The following MANBAL variants were observed in gnomAD, a reference collection of about 807,000 sequenced individuals.
MANBAL encodes the protein protein MANBAL.
Under a neutral mutation model 6.4 loss-of-function variants are expected in MANBAL, and 1 was observed. The observed-to-expected ratio is 0.16, with a 90% CI of 0.06 to 0.74. The LOEUF is 0.74. MANBAL is among the 30% of genes least tolerant of loss of function. The pLI, the probability that MANBAL is intolerant of heterozygous loss-of-function variation, is 0.78. For synonymous variants in MANBAL, 47 were observed against 45.8 expected, an observed-to-expected ratio of 1.03 and a Z score of -0.10; for missense variants, 100 against 107.8, an observed-to-expected ratio of 0.93 and a Z score of 0.32.
rs554996912 is a variant in MANBAL at position 37,306,535 on chromosome 20, G to A, written c.150+5122G>A. On this transcript the variant is annotated intron_variant, in intron 2 of 2. Transcript: ENST00000373606. ...AGCCAAATGAAAAGGTTTTCTCATTGGCAACTCATTAAACTCAGACCTAAG... is the reference window on the plus strand; with the variant it reads ...AGCCAAATGAAAAGGTTTTCTCATTAGCAACTCATTAAACTCAGACCTAAG... 2.8e-4 allele frequency among the ~76,000 whole-genome samples: 43 copies of A among 152,276 alleles called. 1 individual carries two copies. The South Asian group carries it at 8.7e-3, about 31-fold the overall frequency.
chr20:37,295,050 C>G (rs768688034), intron 1 of MANBAL, among the ~76,000 whole-genome samples: 14 of 152,204 alleles, frequency 9.2e-5, no homozygotes, highest in Non-Finnish European at 1.0e-4. Context: ...GTAAGCAAGT[C>G]TGGAGCAGGA....
At chr20:37,307,579 A>G (rs2069286018) in intron 2 of MANBAL, among the ~76,000 whole-genome samples, 1 of 152,092 alleles carries the variant, frequency 6.6e-6, no homozygotes, top group South Asian at 2.1e-4. Flanking sequence ...CAACATGGTG[A>G]AACCCTGTCT....
At chr20:37,290,116 T>C (rs1042520746) in intron 1 of MANBAL, among the ~76,000 whole-genome samples, 2 of 152,238 alleles carry the variant, frequency 1.3e-5, no homozygotes, top group Admixed American at 6.5e-5. Context: ...CATACACGCT[T>C]GTACTGCGGG....
intron 1 of MANBAL, among the ~76,000 whole-genome samples, chr20:37,297,729 G>A (rs1260692102): frequency 6.6e-6 from 1 of 151,352 alleles, no homozygotes. Flanking sequence ...TGCAACCTCC[G>A]TCTCCCGAGT....
chr20:37,316,520 A>G lies in MANBAL; in HGVS notation c.*105A>G. ...CGCATTCCAGGCTCAGGGTCTGAGGAGGCTGTGACGCCCTATGACCGCAGA... is the reference window on the plus strand; with the variant it reads ...CGCATTCCAGGCTCAGGGTCTGAGGGGGCTGTGACGCCCTATGACCGCAGA... On this transcript the variant is annotated 3_prime_UTR_variant, in exon 3 of 3. Transcript: ENST00000373606. The G allele has an allele frequency of 1.0e-6, 1 of 964,300 alleles. No individual in the cohort carries two copies. The highest frequency in any genetic ancestry group is 1.5e-6 in the Non-Finnish European group (1 of 648,802). The allele number at this position is 964,300 out of a possible 1,614,324, so 59.7% of individuals were successfully genotyped here.
intron 1 of MANBAL, among the ~76,000 whole-genome samples, chr20:37,293,912 A>T (rs2068931186): frequency 1.3e-5 from 2 of 152,182 alleles, no homozygotes; most frequent in African/African-American, 4.8e-5. Context: ...AGAATGTCAC[A>T]TTCTGCATTC....
chr20:37,295,346 A>G (rs572858327), intron 1 of MANBAL, among the ~76,000 whole-genome samples: 1 of 152,386 alleles, frequency 6.6e-6, no homozygotes, highest in South Asian at 2.1e-4. Flanking sequence ...TTTCTCAAAC[A>G]ATAAGAAATA....
intron 1 of MANBAL, among the ~76,000 whole-genome samples, chr20:37,296,105 G>A (rs913371543): frequency 1.3e-5 from 2 of 152,120 alleles, no homozygotes; most frequent in African/African-American, 4.8e-5. Context: ...GCTTTTTATT[G>A]TTAATTAGTT....
chr20:37,314,018 G>A (rs574621942), intron 2 of MANBAL, among the ~76,000 whole-genome samples: 35 of 152,318 alleles, frequency 2.3e-4, no homozygotes, highest in African/African-American at 8.4e-4. Context: ...GCTTTAAGGT[G>A]GAAGGTGCAG....
In MANBAL at chr20:37,295,299, A is replaced by G. The variant is rs115492311; in HGVS notation, c.-57+5613A>G. 9.9e-3 allele frequency among the ~76,000 whole-genome samples: 1,506 copies of G among 152,360 alleles called. 31 individuals carry two copies. Among genetic ancestry groups the G allele is most frequent in the African/African-American group, 0.033 (1,385 of 41,566 alleles). On this transcript the variant is annotated intron_variant, in intron 1 of 2. Transcript: ENST00000373606. ...GATCCTTGCTGTTCAAGAGATTACAATGGATCAAATAGAAAACAGTAGATT... is the reference window on the plus strand; with the variant it reads ...GATCCTTGCTGTTCAAGAGATTACAGTGGATCAAATAGAAAACAGTAGATT...
At chr20:37,311,258 G>A (rs898303216) in intron 2 of MANBAL, among the ~76,000 whole-genome samples, 2 of 152,220 alleles carry the variant, frequency 1.3e-5, no homozygotes, top group African/African-American at 4.8e-5. Flanking sequence ...AGGAAAGGGA[G>A]CAGAGTACTG....
intron 2 of MANBAL, among the ~76,000 whole-genome samples, chr20:37,314,992 C>T (rs2069473766): frequency 2.0e-5 from 3 of 152,216 alleles, no homozygotes. Context: ...GAAGTGTCCC[C>T]CCTCCCAGGA....
At chr20:37,292,080 A>G (rs991949146) in intron 1 of MANBAL, among the ~76,000 whole-genome samples, 1 of 152,206 alleles carries the variant, frequency 6.6e-6, no homozygotes, top group Non-Finnish European at 1.5e-5. Context: ...TTGAGGTAGT[A>G]GTCAGGCTTT....
Position 37,292,939 on chromosome 20 carries a change from C to G in MANBAL, c.-57+3253C>G, listed in dbSNP as rs949709669. Among the ~76,000 whole-genome samples the G allele has an allele frequency of 2.6e-5, 4 of 152,158 alleles. No individual in the cohort carries two copies. In the East Asian group the frequency reaches 7.7e-4, roughly 29 times the overall value. On this transcript the variant is annotated intron_variant, in intron 1 of 2. Coordinates refer to ENST00000373606, the MANE Select transcript of MANBAL (RefSeq NM_001003897.2). Reference sequence around the variant, plus strand: ...GCTTCTCAGTGTCCTTGCTTCTAGGCCTTCGCAGTGGACAGAGTAAGAGAC... The same window carrying G: ...GCTTCTCAGTGTCCTTGCTTCTAGGGCTTCGCAGTGGACAGAGTAAGAGAC...
rs1003434756 is a variant in MANBAL, at chr20:37,298,185, C to CTAAA, written c.-56-3005_-56-3002dup. Among the ~76,000 whole-genome samples the CTAAA allele has an allele frequency of 1.6e-4, 25 of 151,710 alleles. No homozygotes were observed. In the South Asian group the frequency reaches 1.7e-3, roughly 10 times the overall value. On this transcript the variant is annotated intron_variant, in intron 1 of 2. Coordinates refer to ENST00000373606, the MANE Select transcript of MANBAL (RefSeq NM_001003897.2). ...TGGGTGACAGAGTGAGACCCTGTCT[C>CTAAA]TAAATAAATAAATAAATAAATGGGT...
chr20:37,303,228 A>G lies in MANBAL; in HGVS notation c.150+1815A>G, dbSNP rs1325425130. Among the ~76,000 whole-genome samples the G allele has an allele frequency of 2.6e-5, 4 of 152,006 alleles. No individual in the cohort carries two copies. The East Asian group carries it at 7.7e-4, about 29-fold the overall frequency. On this transcript the variant is annotated intron_variant, in intron 2 of 2. Transcript: ENST00000373606. ...GCCTGGCCCCAGGCTCATTTTGTAC[A>G]TTTCCTGCCCCAGTCTTGGAATCAG...
rs574717341 is a variant in MANBAL, at chr20:37,316,559, G to A, written c.*144G>A. On this transcript the variant is annotated 3_prime_UTR_variant, in exon 3 of 3. Transcript: ENST00000373606. ...TATGACCGCAGAGATCTAGACAGTC[G>A]TAACAGTCCCCAGGCTCCAGCTGGG... 2.9e-4 allele frequency: 176 copies of A among 609,018 alleles called. No individual in the cohort carries two copies. Among genetic ancestry groups the A allele is most frequent in the African/African-American group, 4.5e-4 (24 of 53,372 alleles). 37.7% of individuals were successfully genotyped at this position (609,018 alleles called of 1,614,324 possible). A position where few individuals can be genotyped will look rare whatever the true frequency, so the allele number is the denominator to read the frequency against.
intron 1 of MANBAL, among the ~76,000 whole-genome samples, chr20:37,290,569 C>G (rs995905391): frequency 6.6e-6 from 1 of 152,106 alleles, no homozygotes; most frequent in South Asian, 2.1e-4. Context: ...AGCGATTCTC[C>G]TGCCTCAGCT....
chr20:37,293,002 T>C (rs1006561809), intron 1 of MANBAL, among the ~76,000 whole-genome samples: 2 of 152,190 alleles, frequency 1.3e-5, no homozygotes, highest in African/African-American at 4.8e-5. Flanking sequence ...TATTTCCATA[T>C]ATAACCACCT....
Sources: allele counts gnomAD v4.1 joint callset (sites outside exome capture counted in the v4.1 genomes callset), GRCh38; gene constraint gnomAD v4.1.1; transcripts MANE v1.5; gene names NCBI Gene and HGNC (gene_info 2026-07-23, HGNC 2026-07-21).